RBFOX1: variants seen among roughly 807,000 people sequenced by gnomAD.
RBFOX1 encodes the protein RNA binding fox-1 homolog 1.
RBFOX1 carries 8 observed loss-of-function variants against 57.7 expected under a neutral mutation model. That is an observed-to-expected ratio of 0.14 (90% CI 0.08 to 0.25). The LOEUF (loss-of-function observed/expected upper bound fraction) is 0.25. RBFOX1 is among the 10% of genes least tolerant of loss of function. The pLI, the probability that RBFOX1 is intolerant of heterozygous loss-of-function variation, is 1.00. For missense variants in RBFOX1, 611 were observed against 548.5 expected, an observed-to-expected ratio of 1.11 and a Z score of -1.14; for synonymous variants, 326 against 222.4, an observed-to-expected ratio of 1.47 and a Z score of -4.15.
intron 3 of RBFOX1, among the ~76,000 whole-genome samples, chr16:6,782,130 C>A (rs976814529): frequency 6.6e-6 from 1 of 152,092 alleles, no homozygotes; most frequent in African/African-American, 2.4e-5. Context: ...CCTCAGCCTC[C>A]CGAGTAGCTG....
intron 5 of RBFOX1, among the ~76,000 whole-genome samples, chr16:7,545,172 G>A (rs952855663): frequency 1.3e-5 from 2 of 152,330 alleles, no homozygotes; most frequent in East Asian, 3.9e-4. Context: ...GTAGTTACTA[G>A]TTACGTGGAC....
chr16:7,584,008 G>A (rs188587809), intron 6 of RBFOX1, among the ~76,000 whole-genome samples: 7 of 152,268 alleles, frequency 4.6e-5, no homozygotes, highest in Admixed American at 3.9e-4. Flanking sequence ...TTAATGGAAA[G>A]TTCCATCTAC....
At chr16:7,318,489 G>T (rs189566393) in intron 4 of RBFOX1, among the ~76,000 whole-genome samples, 1 of 152,168 alleles carries the variant, frequency 6.6e-6, no homozygotes, top group Admixed American at 6.5e-5. Context: ...CCTTTGCACC[G>T]TTGGGCAAAT....
At chr16:6,050,550 T>C (rs938983912) in intron 1 of RBFOX1, among the ~76,000 whole-genome samples, 2 of 152,198 alleles carry the variant, frequency 1.3e-5, no homozygotes, top group African/African-American at 4.8e-5. Context: ...TGTGGTGCTA[T>C]TTAATCTCCA....
At chr16:6,649,222 C>T (rs1412702682) in intron 2 of RBFOX1, among the ~76,000 whole-genome samples, 1 of 152,180 alleles carries the variant, frequency 6.6e-6, no homozygotes, top group East Asian at 1.9e-4. Context: ...GCTCATTCAA[C>T]TTAACACAGT....
At chr16:7,184,165 G>A (rs2083269808) in intron 4 of RBFOX1, among the ~76,000 whole-genome samples, 1 of 152,178 alleles carries the variant, frequency 6.6e-6, no homozygotes, top group Non-Finnish European at 1.5e-5. Flanking sequence ...AAAAAGAGTA[G>A]CACAGGGCTG....
intron 4 of RBFOX1, among the ~76,000 whole-genome samples, chr16:7,475,880 C>A (rs2062577418): frequency 6.6e-6 from 1 of 152,174 alleles, no homozygotes; most frequent in Non-Finnish European, 1.5e-5. Context: ...TTACTATGTC[C>A]CAGGAAGTGG....
At chr16:7,239,967 T>A (rs2093974482) in intron 4 of RBFOX1, among the ~76,000 whole-genome samples, 1 of 152,140 alleles carries the variant, frequency 6.6e-6, no homozygotes, top group African/African-American at 2.4e-5. Context: ...AACTATAAGA[T>A]GATGGTGACG....
chr16:7,076,278 T>G (rs568448163), intron 4 of RBFOX1, among the ~76,000 whole-genome samples: 1 of 152,090 alleles, frequency 6.6e-6, no homozygotes, highest in African/African-American at 2.4e-5. Flanking sequence ...ATGATCTACC[T>G]GCCTTGGCCT....
At chr16:6,861,253 A>G (rs1567603562) in intron 3 of RBFOX1, among the ~76,000 whole-genome samples, 1 of 152,158 alleles carries the variant, frequency 6.6e-6, no homozygotes, top group Non-Finnish European at 1.5e-5. Context: ...TTTGAGCACC[A>G]CACTCTAACC....
At chr16:5,453,479 G>A (rs988561732) in intron 1 of RBFOX1, among the ~76,000 whole-genome samples, 9 of 152,164 alleles carry the variant, frequency 5.9e-5, no homozygotes, top group Non-Finnish European at 1.5e-5. Flanking sequence ...CACTAGGGCA[G>A]CACTAGGCAC....
At chr16:7,409,171 C>G (rs1460106722) in intron 4 of RBFOX1, among the ~76,000 whole-genome samples, 1 of 152,222 alleles carries the variant, frequency 6.6e-6, no homozygotes. Context: ...GAGGACCTCT[C>G]CGTCTCAGGC....
intron 2 of RBFOX1, among the ~76,000 whole-genome samples, chr16:6,420,287 G>GGAA (rs2152987648): frequency 6.6e-6 from 1 of 152,240 alleles, no homozygotes; most frequent in East Asian, 1.9e-4. Context: ...AGCAAAGACT[G>GGAA]GAAATCCAGC....
At chr16:6,346,510 C>T (rs80062181) in intron 2 of RBFOX1, among the ~76,000 whole-genome samples, 1,878 of 152,260 alleles carry the variant, frequency 0.012, 32 homozygotes, top group African/African-American at 0.035. Context: ...CAAGGCTGAT[C>T]TGTAACTAAT....
At position 5,367,388 on chromosome 16, in the gene RBFOX1, G is replaced by A. The variant is rs566550266; in HGVS notation, c.220-99828G>A. ...TACTCCTAGGTAGAGAGACGCAGGTGCTTGAATAAGGGACCCACTGATGTG... is the reference window on the plus strand; with the variant it reads ...TACTCCTAGGTAGAGAGACGCAGGTACTTGAATAAGGGACCCACTGATGTG... On this transcript the variant is annotated intron_variant, in intron 1 of 2. Transcript: ENST00000585867. Among the ~76,000 whole-genome samples, 3 of 152,258 alleles carry A rather than the reference G, an allele frequency of 2.0e-5. No homozygotes were observed. In the East Asian group the frequency reaches 5.8e-4, roughly 30 times the overall value.
At chr16:7,630,934 C>A (rs377642578) in intron 11 of RBFOX1, among the ~76,000 whole-genome samples, 2 of 152,022 alleles carry the variant, frequency 1.3e-5, no homozygotes, top group African/African-American at 4.8e-5. Flanking sequence ...TGGGGAGGGG[C>A]ATGGGAGGGT....
chr16:7,160,966 T>A (rs972777332), intron 4 of RBFOX1, among the ~76,000 whole-genome samples: 2 of 152,188 alleles, frequency 1.3e-5, no homozygotes, highest in Non-Finnish European at 2.9e-5. Context: ...CGACAAACCT[T>A]CAATGGTTAG....
At chr16:6,917,435 G>A (rs1168267312) in intron 3 of RBFOX1, among the ~76,000 whole-genome samples, 1 of 152,170 alleles carries the variant, frequency 6.6e-6, no homozygotes, top group South Asian at 2.1e-4. Flanking sequence ...TTTTGTCCTT[G>A]ATGTGTTTCA....
intron 1 of RBFOX1, among the ~76,000 whole-genome samples, chr16:6,156,659 C>T (rs933424327): frequency 6.6e-6 from 1 of 152,134 alleles, no homozygotes; most frequent in African/African-American, 2.4e-5. Flanking sequence ...GAGGACTTCC[C>T]TCCCCACTTC....
Sources: gnomAD v4.1 joint callset for allele counts (sites outside exome capture counted in the v4.1 genomes callset) on GRCh38, gnomAD v4.1.1 for gene constraint, MANE v1.5 for transcripts, NCBI Gene and HGNC (gene_info 2026-07-23, HGNC 2026-07-21) for gene names.